Variants in CYP4F22 observed in about 807,000 individuals in gnomAD.
CYP4F22 encodes the protein cytochrome P450 family 4 subfamily F member 22, also known as ultra-long-chain fatty acid omega-hydroxylase.
In CYP4F22, 37 loss-of-function variants were observed where a neutral mutation model predicts 60.4. That is an observed-to-expected ratio of 0.61 (90% confidence interval 0.47 to 0.81). The LOEUF is 0.81. Among genes scored for constraint, CYP4F22 ranks in the 30% least tolerant of loss-of-function variants. The pLI is 0.00. For synonymous variants in CYP4F22, 258 were observed against 280.5 expected (o/e 0.92, Z 0.80); for missense variants, 655 against 715.0 (o/e 0.92, Z 0.96).
At chr19:15,532,221 C>T (rs1003591928) in intron 4 of CYP4F22, among the ~76,000 whole-genome samples, 1 of 151,190 alleles carries the variant, frequency 6.6e-6, no homozygotes, top group Non-Finnish European at 1.5e-5. Flanking sequence ...CCTCCCTCTT[C>T]TCCTCCTCCT....
chr19:15,521,545 T>G (rs1422718664), intron 1 of CYP4F22, among the ~76,000 whole-genome samples: 2 of 152,220 alleles, frequency 1.3e-5, no homozygotes, highest in Non-Finnish European at 2.9e-5. Flanking sequence ...TTCCACGTTT[T>G]AGTGATTATG....
At chr19:15,519,007 G>C (rs1401206122) in intron 1 of CYP4F22, among the ~76,000 whole-genome samples, 1 of 152,124 alleles carries the variant, frequency 6.6e-6, no homozygotes, top group Admixed American at 6.6e-5. Flanking sequence ...GTGGCTGAAA[G>C]GGGGAGGAAG....
chr19:15,550,638 A>G, intron 12 of CYP4F22, 36 bp from the exon 13 acceptor site: 11 of 1,602,972 alleles, frequency 6.9e-6, no homozygotes, highest in Non-Finnish European at 9.4e-6. Context: ...TGTCTGGGGC[A>G]GCCCCCAGAC....
chr19:15,535,975 G>T (rs1250235723), intron 4 of CYP4F22, among the ~76,000 whole-genome samples: 1 of 152,142 alleles, frequency 6.6e-6, no homozygotes, highest in African/African-American at 2.4e-5. Context: ...AGTGTTTGGG[G>T]CAGAGAGAAC....
At chr19:15,550,129 C>T (rs140747861) in intron 12 of CYP4F22, among the ~76,000 whole-genome samples, 192 of 152,120 alleles carry the variant, frequency 1.3e-3, no homozygotes, top group African/African-American at 4.3e-3. Context: ...TGGGGTTTCA[C>T]CATGTTGGCC....
intron 1 of CYP4F22, among the ~76,000 whole-genome samples, chr19:15,511,343 C>T (rs1208520756): frequency 6.6e-6 from 1 of 151,814 alleles, no homozygotes; most frequent in Non-Finnish European, 1.5e-5. Context: ...CCTGTAGTCC[C>T]AGCTACTCAG....
intron 4 of CYP4F22, among the ~76,000 whole-genome samples, chr19:15,532,397 CAG>C (rs1385908838): frequency 6.6e-6 from 1 of 150,516 alleles, no homozygotes; most frequent in East Asian, 2.0e-4. Flanking sequence ...TCTTTTTAGA[CAG>C]AGTCTCACTC....
At chr19:15,530,961 G>A (rs1322541593) in intron 4 of CYP4F22, among the ~76,000 whole-genome samples, 2 of 152,248 alleles carry the variant, frequency 1.3e-5, no homozygotes, top group East Asian at 1.9e-4. Context: ...GCTCCAGTAG[G>A]TCAGGCATGG....
chr19:15,511,197 C>T (rs915784863), intron 1 of CYP4F22, among the ~76,000 whole-genome samples: 24 of 151,554 alleles, frequency 1.6e-4, no homozygotes, highest in Middle Eastern at 3.4e-3. Context: ...AACTCCCGAC[C>T]TCAGGTGATC....
intron 7 of CYP4F22, 54 bp from the exon 8 acceptor site, chr19:15,540,396 C>G: frequency 6.2e-7 from 1 of 1,612,188 alleles, no homozygotes; most frequent in Non-Finnish European, 8.5e-7. Flanking sequence ...CAAGCCAGGG[C>G]TGTGCTATGC....
At chr19:15,521,734 G>A (rs984522613) in intron 1 of CYP4F22, among the ~76,000 whole-genome samples, 1 of 152,116 alleles carries the variant, frequency 6.6e-6, no homozygotes, top group Admixed American at 6.6e-5. Context: ...GCAGTCGCAC[G>A]ATCATAGCTC....
At chr19:15,541,068 C>T (rs1019495447) in intron 8 of CYP4F22, among the ~76,000 whole-genome samples, 5 of 152,154 alleles carry the variant, frequency 3.3e-5, no homozygotes, top group African/African-American at 1.2e-4. Flanking sequence ...GCAACAGAAG[C>T]GAGACTCTGT....
chr19:15,515,848 T>C (rs376666314), intron 1 of CYP4F22, among the ~76,000 whole-genome samples: 2 of 151,794 alleles, frequency 1.3e-5, no homozygotes, highest in East Asian at 4.0e-4. Flanking sequence ...CTCAGCCTCC[T>C]GAGTAGCTGG....
At chr19:15,541,865 C>CAAAAAAAA (rs1052977392) in intron 8 of CYP4F22, among the ~76,000 whole-genome samples, 2 of 99,676 alleles carry the variant, frequency 2.0e-5, no homozygotes, top group African/African-American at 7.6e-5. Context: ...AACTCCGTCT[C>CAAAAAAAA]AAAAAAAAAA....
intron 4 of CYP4F22, among the ~76,000 whole-genome samples, chr19:15,536,862 G>A (rs756579413): frequency 6.6e-6 from 1 of 152,184 alleles, no homozygotes; most frequent in Non-Finnish European, 1.5e-5. Flanking sequence ...AGGTGTCTGA[G>A]CAGGGGAGGC....
At chr19:15,537,505 AG>A in intron 5 of CYP4F22, 29 bp from the exon 6 acceptor site, 1 of 1,614,104 alleles carries the variant, frequency 6.2e-7, no homozygotes, top group Non-Finnish European at 8.5e-7. Flanking sequence ...GTAACAGGAG[AG>A]GTCCCTAACC....
At chr19:15,528,565 G>A (rs1034732268) in intron 3 of CYP4F22, among the ~76,000 whole-genome samples, 1 of 114,704 alleles carries the variant, frequency 8.7e-6, no homozygotes, top group Non-Finnish European at 2.1e-5. Flanking sequence ...ATCCTTTACT[G>A]GTGGTCTTCT....
At chr19:15,545,437 G>A (rs985211582) in intron 10 of CYP4F22, among the ~76,000 whole-genome samples, 3 of 151,780 alleles carry the variant, frequency 2.0e-5, no homozygotes, top group Admixed American at 6.6e-5. Context: ...TGCTTGAGCT[G>A]AGGTGTTTGA....
At chr19:15,510,522 A>G (rs2060262) in intron 1 of CYP4F22, among the ~76,000 whole-genome samples, 48,082 of 152,008 alleles carry the variant, frequency 0.32, 8,002 homozygotes, top group African/African-American at 0.38. Context: ...GCAAAGAGGC[A>G]GACCTTTATA....
Sources: allele counts gnomAD v4.1 joint callset (sites outside exome capture counted in the v4.1 genomes callset), GRCh38; gene constraint gnomAD v4.1.1; transcripts MANE v1.5; gene names NCBI Gene and HGNC (gene_info 2026-07-23, HGNC 2026-07-21).